PDE1C: variants seen among roughly 807,000 people sequenced by gnomAD.
The protein encoded by PDE1C is dual specificity calcium/calmodulin-dependent 3',5'-cyclic nucleotide phosphodiesterase 1C.
In PDE1C, 62 loss-of-function variants were observed where a neutral mutation model predicts 93.1. That is an observed-to-expected ratio of 0.67 (90% CI 0.54 to 0.82). PDE1C has a LOEUF of 0.82. PDE1C is among the 40% of genes least tolerant of loss of function. PDE1C has a pLI of 0.00. For missense variants in PDE1C, 742 were observed against 884.6 expected, an observed-to-expected ratio of 0.84 and a Z score of 2.04; for synonymous variants, 325 against 310.1, an observed-to-expected ratio of 1.05 and a Z score of -0.50.
At chr7:31,744,105 T>C in the PDE1C span, among the ~76,000 whole-genome samples, 5 of 152,208 alleles carry the variant, frequency 3.3e-5, no homozygotes, top group Non-Finnish European at 7.3e-5. Context: ...TTAATGGTGC[T>C]GTAGTCATTA....
the PDE1C span, chr7:31,651,313 A>G: frequency 6.3e-7 from 1 of 1,597,126 alleles, no homozygotes. Context: ...CAGCCCACAC[A>G]CCTGGAGCAA....
chr7:31,931,003 T>C lies in PDE1C; in HGVS notation c.129-50143A>G, dbSNP rs1007922307. ...ACAATAAACCACATGATTATCTCAA[T>C]AGACGCAGAAAAGGCCTTCAGTAAA... On this transcript the variant is annotated intron_variant, in intron 2 of 17. Transcript: ENST00000396191. 3.2e-4 allele frequency among the ~76,000 whole-genome samples: 49 copies of C among 151,812 alleles called. 1 individual carries two copies. Among genetic ancestry groups the C allele is most frequent in the Non-Finnish European group, 2.6e-4 (18 of 67,990 alleles).
intron 2 of PDE1C, among the ~76,000 whole-genome samples, chr7:32,171,429 T>C (rs1039167931): frequency 2.0e-5 from 3 of 151,242 alleles, no homozygotes; most frequent in Admixed American, 2.0e-4. Flanking sequence ...GTAGTAAACA[T>C]GCACAGACTT....
intron 2 of PDE1C, among the ~76,000 whole-genome samples, chr7:32,036,127 G>A (rs1193588415): frequency 6.6e-6 from 1 of 152,132 alleles, no homozygotes. Context: ...GTTTACTTCA[G>A]AAATGACTTT....
chr7:31,849,246 C>T (rs1207874545), intron 8 of PDE1C, among the ~76,000 whole-genome samples: 3 of 152,184 alleles, frequency 2.0e-5, no homozygotes, highest in East Asian at 1.9e-4. Context: ...TTTTGATCCT[C>T]GTCTCCAGGC....
intron 2 of PDE1C, among the ~76,000 whole-genome samples, chr7:32,047,052 TGCGAGACAGA>T (rs1432482544): frequency 8.5e-6 from 1 of 117,294 alleles, no homozygotes; most frequent in African/African-American, 3.4e-5. Flanking sequence ...TGTGTGTGTG[TGCGAGACAGA>T]GTGTGTGTGT....
intron 1 of PDE1C, among the ~76,000 whole-genome samples, chr7:32,313,067 A>C (rs558286344): frequency 0.035 from 5,276 of 152,142 alleles, 240 homozygotes; most frequent in African/African-American, 0.1. Flanking sequence ...GAAAAAAACA[A>C]ACAACCCCAT....
At chr7:31,674,068 T>G in the PDE1C span, among the ~76,000 whole-genome samples, 1 of 152,198 alleles carries the variant, frequency 6.6e-6, no homozygotes, top group South Asian at 2.1e-4. Context: ...TTCAGTGACT[T>G]TGCACAAATG....
chr7:32,311,706 C>G (rs28784009), intron 1 of PDE1C, among the ~76,000 whole-genome samples: 3,252 of 151,870 alleles, frequency 0.021, 74 homozygotes, highest in African/African-American at 0.054. Context: ...ATTCAACAAC[C>G]CTTCATGCTA....
chr7:31,683,530 G>A, the PDE1C span, among the ~76,000 whole-genome samples: 1 of 151,892 alleles, frequency 6.6e-6, no homozygotes, highest in East Asian at 1.9e-4. Context: ...CCAGAGCAAA[G>A]ACACAGTGCT....
At chr7:31,730,034 T>C in the PDE1C span, among the ~76,000 whole-genome samples, 1 of 152,178 alleles carries the variant, frequency 6.6e-6, no homozygotes, top group African/African-American at 2.4e-5. Flanking sequence ...CATGTCTCCA[T>C]CTATACAATG....
the PDE1C span, among the ~76,000 whole-genome samples, chr7:31,689,143 G>A: frequency 2.0e-5 from 3 of 152,198 alleles, no homozygotes; most frequent in African/African-American, 4.8e-5. Context: ...CTTGTCACAA[G>A]GGTGGGTGGC....
intron 2 of PDE1C, among the ~76,000 whole-genome samples, chr7:32,176,429 G>T (rs529458616): frequency 7.2e-5 from 11 of 152,096 alleles, no homozygotes; most frequent in Non-Finnish European, 1.6e-4. Flanking sequence ...AGGATGAGTT[G>T]GGAATAAGTA....
intron 2 of PDE1C, among the ~76,000 whole-genome samples, chr7:31,910,745 A>AT (rs760204322): frequency 7.9e-5 from 12 of 152,034 alleles, no homozygotes; most frequent in Admixed American, 1.3e-4. Flanking sequence ...GAGCTACTCA[A>AT]TTTTTCTCTG....
rs755631476 is a variant in PDE1C, at chr7:31,898,888, G to C, written c.129-18028C>G. On this transcript the variant is annotated intron_variant, in intron 2 of 17. Coordinates refer to ENST00000396191, the MANE Select transcript of PDE1C (RefSeq NM_001191057.4). ...ATTTTCAATGGAAATTTTGGAAAGG[G>C]CAGAAATAAAGGGCTTGAGATAAGA... 3.6e-4 allele frequency among the ~76,000 whole-genome samples: 55 copies of C among 152,148 alleles called. 1 individual carries two copies. The highest frequency in any genetic ancestry group is 6.6e-4 in the Non-Finnish European group (45 of 68,032).
intron 6 of PDE1C, among the ~76,000 whole-genome samples, chr7:31,867,784 C>T (rs897618679): frequency 1.3e-5 from 2 of 152,062 alleles, no homozygotes; most frequent in African/African-American, 2.4e-5. Context: ...TCCCTGGGGC[C>T]CAAGGCATGG....
rs755452740 is a variant in PDE1C, at chr7:31,809,080, T to A, written c.1842A>T (p.Thr614=). The change falls in exon 16 of 18, where the codon ACA becomes ACT. Residue 614 remains threonine, a synonymous_variant. Transcript: ENST00000396191. ...CGATGTTAGAGTGATCCTTCTTGTC[T>A]GTCTTATTTTTACCATCTTTGAAGT... ...NGDFKDGKNK[T]DKKDHSNIGN... is the part of the protein sequence containing the mutation. 3.1e-5 allele frequency: 50 copies of A among 1,595,366 alleles called. No individual in the cohort carries two copies. The Admixed American group carries it at 8.4e-4, about 27-fold the overall frequency.
intron 2 of PDE1C, among the ~76,000 whole-genome samples, chr7:31,975,162 T>C (rs997022669): frequency 2.6e-5 from 4 of 152,190 alleles, no homozygotes; most frequent in Admixed American, 6.6e-5. Flanking sequence ...CTGTTCTCTC[T>C]GCCTTCTGCC....
chr7:32,120,932 T>A (rs1799267088), intron 3 of PDE1C, among the ~76,000 whole-genome samples: 1 of 152,104 alleles, frequency 6.6e-6, no homozygotes, highest in African/African-American at 2.4e-5. Flanking sequence ...AAAACTCCAC[T>A]GAGCTAAAGG....
Sources: gnomAD v4.1 joint callset for allele counts (sites outside exome capture counted in the v4.1 genomes callset) on GRCh38, gnomAD v4.1.1 for gene constraint, MANE v1.5 for transcripts, NCBI Gene and HGNC (gene_info 2026-07-23, HGNC 2026-07-21) for gene names.